LACTBL1: variants seen among roughly 807,000 people sequenced by gnomAD.
The protein encoded by LACTBL1 is lactamase beta like 1, also known as beta-lactamase-like protein 1.
In LACTBL1, 29 loss-of-function variants were observed where a neutral mutation model predicts 39.6. The ratio of observed to expected loss-of-function variants is 0.73; its 90% confidence interval spans 0.55 to 1.00. The LOEUF (loss-of-function observed/expected upper bound fraction) is 1.00. Among genes scored for constraint, LACTBL1 ranks in the 50% least tolerant of loss-of-function variants. The pLI is 0.00. For missense variants in LACTBL1, 711 were observed against 748.5 expected (o/e 0.95, Z 0.59); for synonymous variants, 361 against 360.7 (o/e 1.00, Z -0.01).
Position 22,955,217 on chromosome 1 carries a change from G to A in LACTBL1, c.659+104C>T, listed in dbSNP as rs571137388. 215 of 890,742 alleles carry A rather than the reference G, an allele frequency of 2.4e-4. 1 individual carries two copies. The African/African-American group carries it at 3.1e-3, about 13-fold the overall frequency. The allele number at this position is 890,742 out of a possible 1,614,324, so 55.2% of individuals were successfully genotyped here. A position where few individuals can be genotyped will look rare whatever the true frequency, so the allele number is the denominator to read the frequency against. ...TGCAGCTGGGGAGCAGGTCTCTCCC[G>A]GCTCTGCCAACCTAGGATGAGGTGA... On this transcript the variant is annotated intron_variant, in intron 5 of 5. Coordinates refer to ENST00000426928, the Ensembl canonical transcript of LACTBL1.
chr1:22,967,709 C>A (rs1640897695), upstream of LACTBL1, among the ~76,000 whole-genome samples: 1 of 152,100 alleles, frequency 6.6e-6, no homozygotes, highest in South Asian at 2.1e-4. Context: ...GCACTCAACA[C>A]TCGACTTTGT....
chr1:22,966,803 A>G (rs909637802), upstream of LACTBL1, among the ~76,000 whole-genome samples: 1 of 151,962 alleles, frequency 6.6e-6, no homozygotes, highest in Non-Finnish European at 1.5e-5. Flanking sequence ...CTTATTTTCA[A>G]CATCACCTCA....
chr1:22,954,091 A>C, intron 5 of LACTBL1, 67 bp from the exon 8 acceptor site: 2 of 1,456,342 alleles, frequency 1.4e-6, no homozygotes, highest in Non-Finnish European at 1.8e-6. Context: ...CTGAAATGCC[A>C]CCAGTTTCAT....
chr1:22,970,976 GA>G, the LACTBL1 span, among the ~76,000 whole-genome samples: 4 of 152,194 alleles, frequency 2.6e-5, no homozygotes, highest in African/African-American at 4.8e-5. Flanking sequence ...AAGGCTCTCA[GA>G]TATTGCCACT....
upstream of LACTBL1, among the ~76,000 whole-genome samples, chr1:22,968,295 A>G (rs1007138848): frequency 2.6e-5 from 4 of 152,318 alleles, no homozygotes; most frequent in African/African-American, 9.6e-5. Context: ...TTCACAGTCC[A>G]GTTGGGAATC....
chr1:22,953,214 G>A lies in LACTBL1; in HGVS notation c.1470C>T (p.Pro490=), dbSNP rs1040685401. ...ACGCGTCGCCGAGTGGCAGTGCGCA[G>A]GGGAACTCGTGGGCCACGTGCAGCT... Residue 490 remains proline, a synonymous_variant, in exon 6 of 6, where the codon CCC becomes CCT. Coordinates refer to ENST00000426928, the Ensembl canonical transcript of LACTBL1. 21 of 1,232,042 alleles carry A rather than the reference G, an allele frequency of 1.7e-5. No individual in the cohort carries two copies. The East Asian group carries it at 6.3e-4, about 37-fold the overall frequency. The allele number at this position is 1,232,042 out of a possible 1,614,324, so 76.3% of individuals were successfully genotyped here.
intron 2 of LACTBL1, among the ~76,000 whole-genome samples, chr1:22,961,511 A>G (rs2903994): frequency 0.25 from 37,777 of 151,944 alleles, 5,284 homozygotes; most frequent in African/African-American, 0.35. Flanking sequence ...TTACAGTCAT[A>G]TGCCACCACG....
chr1:22,965,355 C>A, upstream of LACTBL1: 1 of 1,277,680 alleles, frequency 7.8e-7, no homozygotes, highest in Non-Finnish European at 9.9e-7. Context: ...TGAGAGCAGG[C>A]AGAAGAAGCT....
upstream of LACTBL1, among the ~76,000 whole-genome samples, chr1:22,966,844 G>T (rs1640885004): frequency 6.6e-6 from 1 of 152,130 alleles, no homozygotes; most frequent in Non-Finnish European, 1.5e-5. Context: ...TCATGCTTCA[G>T]GGTCTGCCTG....
exon 6 of LACTBL1, chr1:22,953,555 G>A (rs1332869582): frequency 4.8e-6 from 6 of 1,249,560 alleles, no homozygotes; most frequent in South Asian, 3.7e-5. Context: ...CGCAGCGGGG[G>A]CACCAGCGAG....
chr1:22,957,736 C>T (rs1352140680), intron 4 of LACTBL1, among the ~76,000 whole-genome samples: 7 of 150,010 alleles, frequency 4.7e-5, no homozygotes, highest in African/African-American at 9.8e-5. Context: ...CTGCAACCTC[C>T]GCCTTCCAGG....
intron 2 of LACTBL1, among the ~76,000 whole-genome samples, chr1:22,961,862 T>G (rs751119986): frequency 4.5e-4 from 69 of 152,304 alleles, no homozygotes; most frequent in South Asian, 3.9e-3. Context: ...TTCTTCTGCC[T>G]CAGCCTCCTG....
At chr1:22,969,350 C>T (rs1487955184), upstream of LACTBL1, among the ~76,000 whole-genome samples, 1 of 152,170 alleles carries the variant, frequency 6.6e-6, no homozygotes, top group Non-Finnish European at 1.5e-5. Context: ...AACCTGTCCC[C>T]CACTGACTCA....
chr1:22,966,872 C>G (rs1208153988), upstream of LACTBL1, among the ~76,000 whole-genome samples: 2 of 152,182 alleles, frequency 1.3e-5, no homozygotes, highest in Non-Finnish European at 2.9e-5. Flanking sequence ...CTATCTCCTT[C>G]AATCCCTACC....
chr1:22,958,903 T>G, exon 4 of LACTBL1: 1 of 1,548,666 alleles, frequency 6.5e-7, no homozygotes, highest in Non-Finnish European at 8.7e-7. Context: ...AGGAAAGATC[T>G]TGGAGATGCT....
intron 1 of LACTBL1, among the ~76,000 whole-genome samples, chr1:22,964,466 C>T (rs113867301): frequency 3.1e-4 from 47 of 152,300 alleles, no homozygotes; most frequent in African/African-American, 1.1e-3. Flanking sequence ...ACCCCCAAGC[C>T]GACTTGCCCA....
chr1:22,953,384 T>C (rs1640725493), exon 6 of LACTBL1: 1 of 1,227,976 alleles, frequency 8.1e-7, no homozygotes, highest in East Asian at 3.2e-5. Flanking sequence ...TTGGCGAAGG[T>C]GAAGTAGCCG....
chr1:22,967,724 T>C (rs1640897803), upstream of LACTBL1, among the ~76,000 whole-genome samples: 1 of 152,132 alleles, frequency 6.6e-6, no homozygotes, highest in African/African-American at 2.4e-5. Flanking sequence ...CTTTGTTGAA[T>C]CTCAACATTT....
At chr1:22,954,955 G>A (rs906084959) in intron 5 of LACTBL1, among the ~76,000 whole-genome samples, 3 of 152,186 alleles carry the variant, frequency 2.0e-5, no homozygotes, top group Non-Finnish European at 2.9e-5. Context: ...TCAGCAACCC[G>A]TTTATTTCCA....
Sources: gnomAD v4.1 joint callset for allele counts (sites outside exome capture counted in the v4.1 genomes callset) on GRCh38, gnomAD v4.1.1 for gene constraint, MANE v1.5 for transcripts, NCBI Gene and HGNC (gene_info 2026-07-23, HGNC 2026-07-21) for gene names.